SLC35D1: variants seen among roughly 807,000 people sequenced by gnomAD.
SLC35D1 encodes the protein solute carrier family 35 member D1.
A neutral mutation model predicts 46.7 loss-of-function variants in SLC35D1; 31 were observed. The observed-to-expected ratio is 0.66, with a 90% CI of 0.50 to 0.90. The LOEUF (loss-of-function observed/expected upper bound fraction) is 0.90. Among genes scored for constraint, SLC35D1 ranks in the 40% least tolerant of loss-of-function variants. The probability of loss-of-function intolerance (pLI) is 0.00; values close to 1 mark genes in which losing one functional copy is unlikely to be tolerated. For synonymous variants in SLC35D1, 195 were observed against 164.6 expected, an observed-to-expected ratio of 1.18 and a Z score of -1.41; for missense variants, 397 against 426.2, an observed-to-expected ratio of 0.93 and a Z score of 0.60.
At chr1:67,007,135 A>T (rs1667466800) in intron 11 of SLC35D1, among the ~76,000 whole-genome samples, 1 of 152,180 alleles carries the variant, frequency 6.6e-6, no homozygotes, top group South Asian at 2.1e-4. Flanking sequence ...ACTGCTGACA[A>T]AAGGTAAGGT....
the SLC35D1 span, among the ~76,000 whole-genome samples, chr1:66,978,073 A>G: frequency 5.3e-5 from 8 of 151,846 alleles, no homozygotes; most frequent in Admixed American, 2.0e-4. Context: ...GTGCACGCCT[A>G]TAGTCTCAGC....
At chr1:66,982,777 C>T in the SLC35D1 span, among the ~76,000 whole-genome samples, 40 of 152,298 alleles carry the variant, frequency 2.6e-4, no homozygotes, top group Admixed American at 9.2e-4. Flanking sequence ...TAGTTCATTT[C>T]ATGACCCCTC....
intron 7 of SLC35D1, among the ~76,000 whole-genome samples, chr1:67,046,588 A>C (rs1323229469): frequency 6.6e-6 from 1 of 152,194 alleles, no homozygotes; most frequent in Non-Finnish European, 1.5e-5. Flanking sequence ...AATTCCTTCA[A>C]TTAGCCACCC....
chr1:66,975,868 A>G, the SLC35D1 span, among the ~76,000 whole-genome samples: 2 of 152,198 alleles, frequency 1.3e-5, no homozygotes, highest in Non-Finnish European at 2.9e-5. Flanking sequence ...GACTAGTAAG[A>G]GAATCTTTCA....
At chr1:66,976,710 A>T in the SLC35D1 span, 1 of 1,601,066 alleles carries the variant, frequency 6.2e-7, no homozygotes, top group East Asian at 2.2e-5. Context: ...TATAATCTTC[A>T]TCCTGGTGTA....
intron 10 of SLC35D1, among the ~76,000 whole-genome samples, chr1:67,015,160 TAAAAAA>T (rs140508453): frequency 1.2e-5 from 1 of 85,398 alleles, no homozygotes; most frequent in Non-Finnish European, 2.2e-5. Flanking sequence ...TGTGTTTTTG[TAAAAAA>T]AAAAAAAAAA....
At chr1:66,981,387 A>G in the SLC35D1 span, among the ~76,000 whole-genome samples, 2 of 152,192 alleles carry the variant, frequency 1.3e-5, no homozygotes, top group Non-Finnish European at 1.5e-5. Flanking sequence ...TCTTTTAGGT[A>G]TCGCCTTTAG....
chr1:67,029,890 T>C (rs1252188631), intron 8 of SLC35D1, among the ~76,000 whole-genome samples: 1 of 152,244 alleles, frequency 6.6e-6, no homozygotes, highest in South Asian at 2.1e-4. Flanking sequence ...TTGCCCTGTT[T>C]CCTGCGCCCC....
the SLC35D1 span, chr1:66,985,155 T>G: frequency 9.6e-7 from 1 of 1,040,328 alleles, no homozygotes; most frequent in East Asian, 5.9e-5. Context: ...CCTTCTCATT[T>G]GAATATCTTT....
At chr1:67,051,463 G>A (rs1476108214) in intron 4 of SLC35D1, among the ~76,000 whole-genome samples, 1 of 152,222 alleles carries the variant, frequency 6.6e-6, no homozygotes, top group Non-Finnish European at 1.5e-5. Context: ...GTGTTACCAT[G>A]GAGAGGAGAG....
chr1:66,985,854 G>T, the SLC35D1 span: 14 of 823,950 alleles, frequency 1.7e-5, no homozygotes, highest in African/African-American at 2.3e-4. Flanking sequence ...CTACTTAAGG[G>T]CAAGTAATTT....
At chr1:67,014,063 A>T (rs1382697825) in intron 10 of SLC35D1, among the ~76,000 whole-genome samples, 3 of 152,170 alleles carry the variant, frequency 2.0e-5, no homozygotes, top group African/African-American at 4.8e-5. Flanking sequence ...ATTAGGCCCT[A>T]AAAACTACAG....
chr1:66,981,519 A>G, the SLC35D1 span, among the ~76,000 whole-genome samples: 7 of 152,300 alleles, frequency 4.6e-5, 1 homozygote, highest in Admixed American at 4.6e-4. Flanking sequence ...GCACCTGCCT[A>G]CAACTTTACA....
At chr1:66,979,435 AAACAGCCT>A in the SLC35D1 span, among the ~76,000 whole-genome samples, 5 of 152,324 alleles carry the variant, frequency 3.3e-5, no homozygotes, top group African/African-American at 7.2e-5. Context: ...TTCTGCCTAC[AAACAGCCT>A]TTGAAAGATT....
At chr1:66,985,183 T>C in the SLC35D1 span, 7 of 966,018 alleles carry the variant, frequency 7.2e-6, no homozygotes, top group South Asian at 4.7e-5. Flanking sequence ...TCAGATTTAC[T>C]AATTTTGGTA....
the SLC35D1 span, chr1:66,986,742 T>A: frequency 9.2e-6 from 3 of 324,364 alleles, no homozygotes; most frequent in Middle Eastern, 8.4e-4. Context: ...TGTTGAGAAG[T>A]ATGAGTTTTT....
Position 67,021,568 on chromosome 1 carries a change from A to C in SLC35D1, c.764T>G (p.Phe255Cys). The change falls in exon 9 of 12, where the codon TTT (phenylalanine) becomes TGT (cysteine). Residue 255 changes from phenylalanine to cysteine, a missense_variant. Transcript: ENST00000235345. Reference protein sequence around the residue: ...VEFEGWADTLFLLQFTLSCVM... With the variant: ...VEFEGWADTLCLLQFTLSCVM... ...ACAGGAGAGGGTGAACTGCAGAAGA[A>C]AGAGGGTGTCAGCCCAGCCTTCAAA... 1 of 1,614,066 alleles carries C rather than the reference A, an allele frequency of 6.2e-7. No individual in the cohort carries two copies. Among genetic ancestry groups the C allele is most frequent in the Non-Finnish European group, 8.5e-7 (1 of 1,179,926 alleles).
chr1:67,046,214 T>C (rs182788673), intron 7 of SLC35D1, among the ~76,000 whole-genome samples: 13 of 152,076 alleles, frequency 8.5e-5, no homozygotes, highest in African/African-American at 3.1e-4. Context: ...GGGATAGACA[T>C]TGAATCTACA....
the SLC35D1 span, chr1:66,987,612 C>G: frequency 6.6e-6 from 1 of 152,556 alleles, no homozygotes; most frequent in Non-Finnish European, 1.5e-5. Flanking sequence ...ATTCCCTTCT[C>G]CCATTCCTTG....
Sources: allele counts gnomAD v4.1 joint callset (sites outside exome capture counted in the v4.1 genomes callset), GRCh38; gene constraint gnomAD v4.1.1; transcripts MANE v1.5; gene names NCBI Gene and HGNC (gene_info 2026-07-23, HGNC 2026-07-21).